The following U2AF1L4 variants were observed in gnomAD, a reference collection of about 807,000 sequenced individuals.
U2AF1L4 encodes the protein U2 small nuclear RNA auxiliary factor 1 like 4.
In U2AF1L4, 21 loss-of-function variants were observed where a neutral mutation model predicts 21.7. The ratio of observed to expected loss-of-function variants is 0.97; its 90% CI spans 0.69 to 1.39. U2AF1L4 has a LOEUF of 1.39. Among genes scored for constraint, U2AF1L4 ranks in the 40% most tolerant of loss-of-function variants. The probability of loss-of-function intolerance (pLI) is 0.00; values close to 1 mark genes in which losing one functional copy is unlikely to be tolerated. For synonymous variants in U2AF1L4, 92 were observed against 89.7 expected, an observed-to-expected ratio of 1.03 and a Z score of -0.15; for missense variants, 259 against 245.7, an observed-to-expected ratio of 1.05 and a Z score of -0.36.
rs753051722 is a variant in U2AF1L4 at position 35,745,363 on chromosome 19, C to T, written c.29G>A (p.Gly10Glu). 5 of 1,614,022 alleles carry T rather than the reference C, an allele frequency of 3.1e-6. No individual in the cohort carries two copies. Among genetic ancestry groups the T allele is most frequent in the Non-Finnish European group, 4.2e-6 (5 of 1,179,976 alleles). Reference sequence around the variant, plus strand: ...CCGTTCTCACTTGTCCTTCTCAGTCCCGAATATCGAAGCTAAATATTCAGC... The same window carrying T: ...CCGTTCTCACTTGTCCTTCTCAGTCTCGAATATCGAAGCTAAATATTCAGC... MAEYLASIFGTEKDKVNCSF... is the reference protein window; with the variant it reads MAEYLASIFETEKDKVNCSF... The change falls in exon 1 of 6, where the codon GGG becomes GAG. Residue 10 changes from glycine (G) to glutamate (E), a missense_variant. Transcript: ENST00000378975.
At chr19:35,745,312 A>G in intron 1 of U2AF1L4, 36 bp downstream of exon 1, 2 of 1,465,776 alleles carry the variant, frequency 1.4e-6, no homozygotes, top group South Asian at 1.1e-5. Context: ...CCCGGCCCCG[A>G]CCCCCCGAGA....
chr19:35,744,882 G>T (rs1970493951), intron 2 of U2AF1L4: 1 of 762,278 alleles, frequency 1.3e-6, no homozygotes. Flanking sequence ...CAGCGGGATG[G>T]AAGGGACTGG....
chr19:35,743,014 G>A lies in U2AF1L4; in HGVS notation c.462-211C>T, dbSNP rs990410244. 1.8e-5 allele frequency: 11 copies of A among 613,458 alleles called. No individual in the cohort carries two copies. In the South Asian group the frequency reaches 2.2e-4, roughly 12 times the overall value. 38.0% of individuals were successfully genotyped at this position (613,458 alleles called of 1,614,324 possible). A position where few individuals can be genotyped will look rare whatever the true frequency, so the allele number is the denominator to read the frequency against. Reference sequence around the variant, plus strand: ...GGTCGTGGATTAGGGGTTCAGGCTGGTTTGGGGATTGGGACTTAGGTACTG... The same window carrying A: ...GGTCGTGGATTAGGGGTTCAGGCTGATTTGGGGATTGGGACTTAGGTACTG... On this transcript the variant is annotated intron_variant, in intron 5 of 5. Coordinates refer to ENST00000378975, the MANE Select transcript of U2AF1L4 (RefSeq NM_001040425.3).
chr19:35,744,772 G>C, intron 2 of U2AF1L4: 1 of 1,497,594 alleles, frequency 6.7e-7, no homozygotes, highest in Non-Finnish European at 9.0e-7. Context: ...TGAAGGTTGG[G>C]GGTGGAACCT....
In U2AF1L4 at chr19:35,742,754, G is replaced by T; in HGVS notation, c.511C>A (p.Arg171=). The change falls in exon 6 of 6, where the codon CGG becomes AGG. Residue 171 remains arginine, a synonymous_variant. Transcript: ENST00000378975. ...CCATGCCAGTGATCAGGGGAACACCGATGGTTCCTCTCTCGGGGATGGTGG... is the reference window on the plus strand; with the variant it reads ...CCATGCCAGTGATCAGGGGAACACCTATGGTTCCTCTCTCGGGGATGGTGG... ...TGHHPRERNH[R]CSPDHWHGRF 1 of 1,610,544 alleles carries T rather than the reference G, an allele frequency of 6.2e-7. No homozygotes were observed.
At chr19:35,744,255 C>T (rs1474156232) in intron 3 of U2AF1L4, 68 bp downstream of exon 3, 1 of 1,608,458 alleles carries the variant, frequency 6.2e-7, no homozygotes, top group African/African-American at 1.3e-5. Flanking sequence ...AGCTGAGAGC[C>T]TACAGTGGCC....
At chr19:35,745,245 G>GT in intron 1 of U2AF1L4, 33 bp from the exon 2 acceptor site, 1 of 1,610,610 alleles carries the variant, frequency 6.2e-7, no homozygotes, top group Non-Finnish European at 8.5e-7. Context: ...GGTGAACCGA[G>GT]GGCCGGGGAA....
chr19:35,745,214 TG>T lies in U2AF1L4; in HGVS notation c.45-3del, dbSNP rs1196062122. 6.2e-7 allele frequency: 1 copy of T among 1,613,314 alleles called. No individual in the cohort carries two copies. Among genetic ancestry groups the T allele is most frequent in the Non-Finnish European group, 8.5e-7 (1 of 1,179,772 alleles). On this transcript the variant is annotated splice_region_variant and splice_polypyrimidine_tract_variant and intron_variant, in intron 1 of 5. Transcript: ENST00000378975. ...TTAAAGTAAAAAGAGCAGTTAACCC[TG>T]GAAAAGGTGCAAAGACAAAGGTGAA...
At position 35,742,659 on chromosome 19, in the gene U2AF1L4, G is replaced by A. The variant is rs1970313561; in HGVS notation, c.*60C>T. ...GCAGGAGAGTGAAGGGGGCTTTGAGGAGAGGTCCTGCCAGGAACATCTGTC... is the reference window on the plus strand; with the variant it reads ...GCAGGAGAGTGAAGGGGGCTTTGAGAAGAGGTCCTGCCAGGAACATCTGTC... On this transcript the variant is annotated 3_prime_UTR_variant, in exon 6 of 6. Coordinates refer to ENST00000378975, the MANE Select transcript of U2AF1L4 (RefSeq NM_001040425.3). 3 of 1,613,416 alleles carry A rather than the reference G, an allele frequency of 1.9e-6. No individual in the cohort carries two copies. The highest frequency in any genetic ancestry group is 2.5e-6 in the Non-Finnish European group (3 of 1,179,908).
At chr19:35,744,674 G>A (rs543561589) in intron 2 of U2AF1L4, 15 of 1,536,252 alleles carry the variant, frequency 9.8e-6, no homozygotes, top group Middle Eastern at 1.7e-4. Context: ...TTCCGGTACA[G>A]GTTGAGCAGC....
At chr19:35,742,933 C>T in intron 5 of U2AF1L4, 130 bp from the exon 6 acceptor site, 3 of 850,866 alleles carry the variant, frequency 3.5e-6, no homozygotes, top group Non-Finnish European at 5.6e-6. Flanking sequence ...GACACGACCT[C>T]AGTGGCCAGT....
Position 35,742,806 on chromosome 19 carries a change from G to A in U2AF1L4, c.462-3C>T. The A allele has an allele frequency of 6.2e-7, 1 of 1,609,496 alleles. No individual in the cohort carries two copies. The highest frequency in any genetic ancestry group is 8.5e-7 in the Non-Finnish European group (1 of 1,179,476). On this transcript the variant is annotated splice_polypyrimidine_tract_variant and splice_region_variant and intron_variant, in intron 5 of 5. Coordinates refer to ENST00000378975, the MANE Select transcript of U2AF1L4 (RefSeq NM_001040425.3). Reference sequence around the variant, plus strand: ...CAGTATGGAACCTCGGGGGTGACCTGGGAATAGGAGCGTTGAGAGTTCTGT... The same window carrying A: ...CAGTATGGAACCTCGGGGGTGACCTAGGAATAGGAGCGTTGAGAGTTCTGT...
At chr19:35,743,396 A>C (rs1286127320) in intron 5 of U2AF1L4, 4 of 218,316 alleles carry the variant, frequency 1.8e-5, no homozygotes, top group Admixed American at 5.8e-5. Flanking sequence ...AAAAAAAAAA[A>C]AAAAAAACAG....
Position 35,745,232 on chromosome 19 carries a change from A to G in U2AF1L4, c.45-20T>C. 1 of 1,612,550 alleles carries G rather than the reference A, an allele frequency of 6.2e-7. No homozygotes were observed. The highest frequency in any genetic ancestry group is 8.5e-7 in the Non-Finnish European group (1 of 1,179,204). On this transcript the variant is annotated intron_variant, in intron 1 of 5. Coordinates refer to ENST00000378975, the MANE Select transcript of U2AF1L4 (RefSeq NM_001040425.3). ...TTAACCCTGGAAAAGGTGCAAAGACAAAGGTGAACCGAGGGCCGGGGAAGC... is the reference window on the plus strand; with the variant it reads ...TTAACCCTGGAAAAGGTGCAAAGACGAAGGTGAACCGAGGGCCGGGGAAGC...
intron 1 of U2AF1L4, 59 bp downstream of exon 1, chr19:35,745,289 A>T: frequency 1.3e-6 from 2 of 1,592,966 alleles, no homozygotes; most frequent in Non-Finnish European, 1.7e-6. Context: ...CCCACCACCC[A>T]GGACCCCAGT....
At chr19:35,744,830 T>A (rs571079740) in intron 2 of U2AF1L4, 4 of 1,058,502 alleles carry the variant, frequency 3.8e-6, no homozygotes, top group Admixed American at 2.1e-5. Flanking sequence ...CCTTTGCCCC[T>A]AAGAAACCAG....
At chr19:35,744,527 G>T in intron 2 of U2AF1L4, 106 bp from the exon 3 acceptor site, 1 of 1,600,740 alleles carries the variant, frequency 6.2e-7, no homozygotes. Context: ...GCACCTCCAC[G>T]TCACTCACAT....
In U2AF1L4 at chr19:35,742,560, G is replaced by C; in HGVS notation, c.*159C>G. The stretch of plus-strand genomic sequence containing the variant: ...GAAGTGAAACACGCAGCTTTATTAA[G>C]ACAGGGGCGGTAGAAGAAGGTCTCC... On this transcript the variant is annotated 3_prime_UTR_variant, in exon 6 of 6. Transcript: ENST00000378975. 6 of 1,613,500 alleles carry C rather than the reference G, an allele frequency of 3.7e-6. No individual in the cohort carries two copies. The highest frequency in any genetic ancestry group is 5.1e-6 in the Non-Finnish European group (6 of 1,179,920).
chr19:35,743,431 C>T, intron 5 of U2AF1L4: 1 of 273,112 alleles, frequency 3.7e-6, no homozygotes. Context: ...TGGCTCACGC[C>T]TGTAATCCCA....
Sources: gnomAD v4.1 joint callset for allele counts on GRCh38, gnomAD v4.1.1 for gene constraint, MANE v1.5 for transcripts, NCBI Gene and HGNC (gene_info 2026-07-23, HGNC 2026-07-21) for gene names.